The following CDH4 variants were observed in gnomAD, a reference collection of about 807,000 sequenced individuals.
CDH4 encodes cadherin 4, also known as cadherin-4.
Under a neutral mutation model 86.0 loss-of-function variants are expected in CDH4, and 33 were observed. The ratio of observed to expected loss-of-function variants is 0.38; its 90% CI spans 0.29 to 0.51. The LOEUF (loss-of-function observed/expected upper bound fraction) is 0.51, where lower values mean the gene tolerates loss of function less well. Ranked by LOEUF, CDH4 falls within the 20% of genes least tolerant of loss-of-function variation. CDH4 has a pLI of 0.86. For synonymous variants in CDH4, 555 were observed against 549.4 expected (o/e 1.01, Z -0.14); for missense variants, 1,114 against 1,307.4 (o/e 0.85, Z 2.28).
intron 2 of CDH4, among the ~76,000 whole-genome samples, chr20:61,616,441 C>T (rs2086725782): frequency 6.6e-6 from 1 of 152,184 alleles, no homozygotes; most frequent in South Asian, 2.1e-4. Context: ...TTCTTTCCAC[C>T]ACAGGAAACA....
At chr20:61,388,649 G>A (rs1192660380) in intron 2 of CDH4, among the ~76,000 whole-genome samples, 3 of 152,168 alleles carry the variant, frequency 2.0e-5, no homozygotes, top group Admixed American at 1.3e-4. Flanking sequence ...CAACTCGGGG[G>A]TACTCTGTAT....
At chr20:61,533,044 G>A (rs904571221) in intron 2 of CDH4, among the ~76,000 whole-genome samples, 1 of 152,178 alleles carries the variant, frequency 6.6e-6, no homozygotes, top group Non-Finnish European at 1.5e-5. Flanking sequence ...ATGCCAGCTG[G>A]TGTGGGGCAG....
At chr20:61,803,194 C>T (rs1568824763) in intron 4 of CDH4, among the ~76,000 whole-genome samples, 1 of 151,946 alleles carries the variant, frequency 6.6e-6, no homozygotes, top group Non-Finnish European at 1.5e-5. Flanking sequence ...TGTGGACGGG[C>T]TGAGGTCTTC....
At chr20:61,512,400 T>C (rs2085786935) in intron 2 of CDH4, among the ~76,000 whole-genome samples, 1 of 152,144 alleles carries the variant, frequency 6.6e-6, no homozygotes, top group Non-Finnish European at 1.5e-5. Flanking sequence ...CGACCATACC[T>C]CTTCCAGGTC....
At chr20:61,486,844 G>A (rs2085599502) in intron 2 of CDH4, among the ~76,000 whole-genome samples, 1 of 152,130 alleles carries the variant, frequency 6.6e-6, no homozygotes, top group African/African-American at 2.4e-5. Context: ...AACTATGATT[G>A]CATCACTGTA....
chr20:61,527,542 G>A (rs887020050), intron 2 of CDH4, among the ~76,000 whole-genome samples: 8 of 152,096 alleles, frequency 5.3e-5, no homozygotes, highest in Admixed American at 3.9e-4. Context: ...GAGCCACCGC[G>A]TCCGGCCACT....
At chr20:61,793,623 C>T (rs1420300055) in intron 4 of CDH4, among the ~76,000 whole-genome samples, 3 of 151,656 alleles carry the variant, frequency 2.0e-5, no homozygotes, top group South Asian at 2.1e-4. Flanking sequence ...AGGTGGATCA[C>T]GAGGTCAGGA....
chr20:61,253,537 C>A (rs2084078127), intron 1 of CDH4, among the ~76,000 whole-genome samples: 1 of 151,798 alleles, frequency 6.6e-6, no homozygotes, highest in Non-Finnish European at 1.5e-5. Context: ...GGCGGGAGGC[C>A]CGCTCCGAGG....
intron 2 of CDH4, among the ~76,000 whole-genome samples, chr20:61,461,057 T>C (rs975558706): frequency 7.9e-5 from 12 of 152,210 alleles, no homozygotes; most frequent in Non-Finnish European, 1.8e-4. Context: ...ACCAGGTTCC[T>C]AATACAGGAC....
At chr20:61,817,789 C>T (rs1000428968) in intron 4 of CDH4, among the ~76,000 whole-genome samples, 1 of 152,208 alleles carries the variant, frequency 6.6e-6, no homozygotes, top group Non-Finnish European at 1.5e-5. Context: ...AGAGCAAGGG[C>T]TTGAATTAGG....
At chr20:61,309,664 G>A (rs951110639) in intron 2 of CDH4, among the ~76,000 whole-genome samples, 1 of 152,176 alleles carries the variant, frequency 6.6e-6, no homozygotes, top group Non-Finnish European at 1.5e-5. Flanking sequence ...TCCTATTTCA[G>A]GGAAATGCAT....
intron 4 of CDH4, among the ~76,000 whole-genome samples, chr20:61,844,125 C>A (rs933770967): frequency 6.6e-6 from 1 of 152,216 alleles, no homozygotes; most frequent in Non-Finnish European, 1.5e-5. Flanking sequence ...CTTCCCCATC[C>A]CAAGTAAAAC....
intron 6 of CDH4, among the ~76,000 whole-genome samples, chr20:61,854,978 G>A (rs71323527): frequency 0.33 from 22,039 of 67,526 alleles, 3,861 homozygotes; most frequent in Non-Finnish European, 0.42. Flanking sequence ...ACCCCCAGGG[G>A]TGCAGTGTGA....
Position 61,939,997 on chromosome 20 carries a change from GAC to G in CDH4, c.*3062_*3063del, listed in dbSNP as rs1374175081. On this transcript the variant is annotated 3_prime_UTR_variant, in exon 16 of 16. Transcript: ENST00000614565. ...AGTTTCCCTAGCATGAGCACCAGCCGACACACACAGTCCACTGAGATGATAAT... is the reference window on the plus strand; with the variant it reads ...AGTTTCCCTAGCATGAGCACCAGCCGACACACAGTCCACTGAGATGATAAT... 2.4e-4 allele frequency: 37 copies of G among 152,198 alleles called. No homozygotes were observed. The highest frequency in any genetic ancestry group is 2.4e-3 in the Admixed American group (36 of 15,284). 9.4% of individuals were successfully genotyped at this position (152,198 alleles called of 1,614,324 possible).
At chr20:61,665,528 G>A (rs113945228) in intron 2 of CDH4, among the ~76,000 whole-genome samples, 348 of 152,258 alleles carry the variant, frequency 2.3e-3, no homozygotes, top group Non-Finnish European at 3.2e-3. Context: ...CTCCCTTTTC[G>A]GAGAGCCGAG....
rs2055022281 is a variant in CDH4, at chr20:61,924,412, G to A, written c.1707G>A (p.Leu569=). 6.2e-7 allele frequency: 1 copy of A among 1,613,856 alleles called. No individual in the cohort carries two copies. The highest frequency in any genetic ancestry group is 8.5e-7 in the Non-Finnish European group (1 of 1,179,950). ...TNGQITTAAV[L]DRESLYTKNN... The stretch of plus-strand genomic sequence containing the variant: ...GCCAGATCACCACGGCGGCAGTGCT[G>A]GACCGTGAGTCCCTCTACACCAAAA... The change falls in exon 11 of 16, where the codon CTG becomes CTA. Residue 569 remains leucine, a synonymous_variant. Transcript: ENST00000614565.
intron 2 of CDH4, among the ~76,000 whole-genome samples, chr20:61,362,712 C>G (rs892288179): frequency 1.3e-5 from 2 of 151,968 alleles, no homozygotes; most frequent in Non-Finnish European, 2.9e-5. Flanking sequence ...CATCAGTGCC[C>G]CTGGCTGGAT....
At chr20:61,423,671 G>T (rs964536137) in intron 2 of CDH4, among the ~76,000 whole-genome samples, 1 of 67,752 alleles carries the variant, frequency 1.5e-5, no homozygotes, top group African/African-American at 6.2e-5. Context: ...TGGCAGGTAC[G>T]TTCGTCATTT....
At chr20:61,337,562 A>AT (rs1370920802) in intron 2 of CDH4, among the ~76,000 whole-genome samples, 1 of 152,048 alleles carries the variant, frequency 6.6e-6, no homozygotes, top group Non-Finnish European at 1.5e-5. Context: ...GTGATGGTGT[A>AT]TAGATACTTC....
Sources: allele counts gnomAD v4.1 joint callset (sites outside exome capture counted in the v4.1 genomes callset), GRCh38; gene constraint gnomAD v4.1.1; transcripts MANE v1.5; gene names NCBI Gene and HGNC (gene_info 2026-07-23, HGNC 2026-07-21).